MBTPS1: variants seen among roughly 807,000 people sequenced by gnomAD.
MBTPS1 encodes the protein membrane bound transcription factor peptidase, site 1, also known as membrane-bound transcription factor site-1 protease.
In MBTPS1, 94 loss-of-function variants were observed where a neutral mutation model predicts 127.8. That is an observed-to-expected ratio of 0.74 (90% CI 0.62 to 0.87). The LOEUF (loss-of-function observed/expected upper bound fraction) is 0.87. MBTPS1 is among the 40% of genes least tolerant of loss of function. The pLI is 0.00. For missense variants in MBTPS1, 1,636 were observed against 1,353.2 expected, an observed-to-expected ratio of 1.21 and a Z score of -3.28; for synonymous variants, 632 against 509.4, an observed-to-expected ratio of 1.24 and a Z score of -3.24.
At chr16:84,114,391 G>C (rs1378672479) in intron 1 of MBTPS1, among the ~76,000 whole-genome samples, 1 of 152,166 alleles carries the variant, frequency 6.6e-6, no homozygotes, top group East Asian at 1.9e-4. Flanking sequence ...TCAAGAGTGA[G>C]AAACCTTGGT....
rs908625055 is a variant in MBTPS1 at position 84,095,605 on chromosome 16, T to C, written c.622A>G (p.Thr208Ala). ...QADVLWQMGY[T>A]GANVRVAVFD... ...TTCCCTGGGTAATAGCACACACCTG[T>C]ATATCCCATCTGCCAGAGCACATCT... The change falls in exon 4 of 23, where the codon ACA becomes GCA. Residue 208 changes from threonine to alanine, a missense_variant. Coordinates refer to ENST00000343411, the MANE Select transcript of MBTPS1 (RefSeq NM_003791.4). 7.5e-5 allele frequency: 121 copies of C among 1,614,004 alleles called. No homozygotes were observed. Among genetic ancestry groups the C allele is most frequent in the Non-Finnish European group, 1.0e-4 (119 of 1,180,010 alleles).
chr16:84,089,602 C>G (rs1389515316), intron 8 of MBTPS1, among the ~76,000 whole-genome samples: 1 of 152,240 alleles, frequency 6.6e-6, no homozygotes, highest in Admixed American at 6.5e-5. Flanking sequence ...CCCCTGCTGT[C>G]TGATTTCAGT....
At chr16:84,083,497 CCCCAG>C (rs1275868682) in intron 10 of MBTPS1, among the ~76,000 whole-genome samples, 3 of 151,766 alleles carry the variant, frequency 2.0e-5, no homozygotes, top group African/African-American at 7.3e-5. Context: ...CACTATGTTG[CCCCAG>C]CTGCTCTCAA....
In MBTPS1 at chr16:84,062,088, G is replaced by A. The variant is rs541564047; in HGVS notation, c.2572+1217C>T. On this transcript the variant is annotated intron_variant, in intron 19 of 22. Transcript: ENST00000343411. ...AATAAAACATTAACCTCCTTTAACTGTGACTTTAACCCTCACTTTTAATTT... is the reference window on the plus strand; with the variant it reads ...AATAAAACATTAACCTCCTTTAACTATGACTTTAACCCTCACTTTTAATTT... 9.9e-5 allele frequency among the ~76,000 whole-genome samples: 15 copies of A among 152,226 alleles called. No homozygotes were observed. The East Asian group carries it at 2.5e-3, about 25-fold the overall frequency.
chr16:84,091,663 T>C (rs2086108601), intron 7 of MBTPS1, 69 bp downstream of exon 7: 2 of 1,012,496 alleles, frequency 2.0e-6, no homozygotes, highest in Non-Finnish European at 1.6e-6. Context: ...ACACTAGATA[T>C]GATGCAAAGT....
intron 12 of MBTPS1, among the ~76,000 whole-genome samples, chr16:84,073,371 A>G (rs568618551): frequency 6.6e-6 from 1 of 152,224 alleles, no homozygotes; most frequent in African/African-American, 2.4e-5. Context: ...TGACCTCGTG[A>G]TCCTCCTGCC....
intron 4 of MBTPS1, among the ~76,000 whole-genome samples, chr16:84,094,928 C>T (rs1018363596): frequency 3.3e-5 from 5 of 152,260 alleles, no homozygotes; most frequent in African/African-American, 7.2e-5. Context: ...AGGCAAACTG[C>T]GCTGTCCTGG....
At chr16:84,060,449 C>T (rs979782914) in intron 20 of MBTPS1, 15 of 472,848 alleles carry the variant, frequency 3.2e-5, no homozygotes, top group African/African-American at 9.7e-5. Context: ...TCGGGGTGCA[C>T]GTGGGAAAGC....
intron 1 of MBTPS1, among the ~76,000 whole-genome samples, chr16:84,113,864 C>T (rs2086431790): frequency 6.6e-6 from 1 of 151,768 alleles, no homozygotes; most frequent in African/African-American, 2.4e-5. Flanking sequence ...ACCTTCAGAA[C>T]TAATTGCATA....
chr16:84,068,294 A>C, intron 15 of MBTPS1, 45 bp downstream of exon 15: 1 of 1,266,164 alleles, frequency 7.9e-7, no homozygotes. Context: ...CAAACATCCA[A>C]AGTGGGCGGA....
chr16:84,099,378 T>G, intron 2 of MBTPS1, 68 bp from the exon 3 acceptor site: 1 of 1,491,222 alleles, frequency 6.7e-7, no homozygotes, highest in Non-Finnish European at 9.0e-7. Context: ...CTATATTGTA[T>G]CTAATCTAAA....
chr16:84,056,239 C>G, intron 21 of MBTPS1, 104 bp from the exon 22 acceptor site: 1 of 962,962 alleles, frequency 1.0e-6, no homozygotes, highest in Non-Finnish European at 1.6e-6. Flanking sequence ...AAGTGATCTA[C>G]GGGGAGATGT....
intron 3 of MBTPS1, among the ~76,000 whole-genome samples, chr16:84,096,399 T>C (rs2086180629): frequency 6.6e-6 from 1 of 152,196 alleles, no homozygotes; most frequent in African/African-American, 2.4e-5. Flanking sequence ...CATATCTTGA[T>C]TTTGTTGGTG....
At chr16:84,062,935 G>C (rs1029165794) in intron 19 of MBTPS1, among the ~76,000 whole-genome samples, 1 of 152,192 alleles carries the variant, frequency 6.6e-6, no homozygotes, top group Non-Finnish European at 1.5e-5. Flanking sequence ...GCCCCCTCGT[G>C]GCAGTGCCCA....
Position 84,054,348 on chromosome 16 carries a change from A to C in MBTPS1, c.*101T>G. On this transcript the variant is annotated 3_prime_UTR_variant, in exon 23 of 23. Coordinates refer to ENST00000343411, the MANE Select transcript of MBTPS1 (RefSeq NM_003791.4). ...AGACTCTAACAAACCTGCAGCTGGAAACTGGATCCCTTTTAAACCAGCCGC... is the reference window on the plus strand; with the variant it reads ...AGACTCTAACAAACCTGCAGCTGGACACTGGATCCCTTTTAAACCAGCCGC... 9.3e-7 allele frequency: 1 copy of C among 1,074,284 alleles called. No individual in the cohort carries two copies. Among genetic ancestry groups the C allele is most frequent in the African/African-American group, 1.6e-5 (1 of 62,390 alleles). The allele number at this position is 1,074,284 out of a possible 1,614,324, so 66.5% of individuals were successfully genotyped here. A position where few individuals can be genotyped will look rare whatever the true frequency, so the allele number is the denominator to read the frequency against.
rs765552122 is a variant in MBTPS1 at position 84,068,470 on chromosome 16, C to G, written c.1956-16G>C. On this transcript the variant is annotated splice_polypyrimidine_tract_variant and intron_variant, in intron 14 of 22. Transcript: ENST00000343411. ...ATCACCATTCCTGAAAAACAATAGG[C>G]CACAGCATTAAAATGATCGATCTTT... 8.6e-6 allele frequency: 13 copies of G among 1,513,656 alleles called. No homozygotes were observed. Among genetic ancestry groups the G allele is most frequent in the Admixed American group, 1.7e-5 (1 of 59,886 alleles). The allele number at this position is 1,513,656 out of a possible 1,614,324, so 93.8% of individuals were successfully genotyped here.
chr16:84,065,187 G>C lies in MBTPS1; in HGVS notation c.2431+503C>G, dbSNP rs202225342. ...GGCTGGAGTGCAGTGGCATGATCTTGGGTAACTGCAACCTCTGCCTCCCAG... is the reference window on the plus strand; with the variant it reads ...GGCTGGAGTGCAGTGGCATGATCTTCGGTAACTGCAACCTCTGCCTCCCAG... On this transcript the variant is annotated intron_variant, in intron 18 of 22. Transcript: ENST00000343411. Among the ~76,000 whole-genome samples the C allele has an allele frequency of 5.4e-5, 8 of 148,704 alleles. No individual in the cohort carries two copies. In the East Asian group the frequency reaches 1.4e-3, roughly 26 times the overall value.
At chr16:84,115,024 G>T (rs1189036201) in intron 1 of MBTPS1, among the ~76,000 whole-genome samples, 1 of 151,642 alleles carries the variant, frequency 6.6e-6, no homozygotes, top group East Asian at 2.0e-4. Flanking sequence ...TGCCGCCTGG[G>T]TTCAAGGGAT....
rs1465457292 is a variant in MBTPS1, at chr16:84,054,337, C to G, written c.*112G>C. ...CCATGTAGAACAGACTCTAACAAAC[C>G]TGCAGCTGGAAACTGGATCCCTTTT... On this transcript the variant is annotated 3_prime_UTR_variant, in exon 23 of 23. Transcript: ENST00000343411. The G allele has an allele frequency of 3.1e-6, 3 of 970,392 alleles. No individual in the cohort carries two copies. Among genetic ancestry groups the G allele is most frequent in the Non-Finnish European group, 2.9e-6 (2 of 680,456 alleles). The allele number at this position is 970,392 out of a possible 1,614,324, so 60.1% of individuals were successfully genotyped here. A position where few individuals can be genotyped will look rare whatever the true frequency, so the allele number is the denominator to read the frequency against.
Sources: allele counts gnomAD v4.1 joint callset (sites outside exome capture counted in the v4.1 genomes callset), GRCh38; gene constraint gnomAD v4.1.1; transcripts MANE v1.5; gene names NCBI Gene and HGNC (gene_info 2026-07-23, HGNC 2026-07-21).